Variants in MPRIP observed in about 807,000 individuals in gnomAD.
MPRIP encodes the protein myosin phosphatase Rho interacting protein, also known as myosin phosphatase Rho-interacting protein.
In MPRIP, 59 loss-of-function variants were observed where a neutral mutation model predicts 234.9. The observed-to-expected ratio is 0.25, with a 90% CI of 0.20 to 0.31. MPRIP has a LOEUF of 0.31. Among genes scored for constraint, MPRIP ranks in the 10% least tolerant of loss-of-function variants. The pLI is 1.00. For synonymous variants in MPRIP, 1,144 were observed against 1,263.9 expected (o/e 0.91, Z 2.01); for missense variants, 2,436 against 3,071.0 (o/e 0.79, Z 4.89).
rs1276238121 is a variant in MPRIP at position 17,167,610 on chromosome 17, C to T, written c.6019C>T (p.Arg2007Trp). ...GGAGGACAGGTTCCAGCTCAAGGTC[C>T]GGGAGCTGCAGACGATCCACGAGGA... ...TLEDRFQLKV[R>W]ELQTIHEEEL... Residue 2007 changes from arginine to tryptophan, a missense_variant, in exon 16 of 24, where the codon CGG (arginine) becomes TGG (tryptophan). Around this residue, in one of 4 missense-constraint regions of MPRIP, gnomAD observed 1,998 missense variants for 2,520.3 expected, o/e 0.79. Transcript: ENST00000651222. This position sits in a 1 kb window ranked among gnomAD's most constrained non-coding sequence, Gnocchi z 5.9. 2.3e-6 allele frequency: 3 copies of T among 1,304,098 alleles called. No individual in the cohort carries two copies. Among genetic ancestry groups the T allele is most frequent in the African/African-American group, 1.5e-5 (1 of 65,846 alleles). 80.8% of individuals were successfully genotyped at this position (1,304,098 alleles called of 1,614,324 possible). A position where few individuals can be genotyped will look rare whatever the true frequency, so the allele number is the denominator to read the frequency against.
chr17:17,174,418 T>A (rs2046210930), intron 19 of MPRIP, among the ~76,000 whole-genome samples: 1 of 152,278 alleles, frequency 6.6e-6, no homozygotes, highest in Non-Finnish European at 1.5e-5. Flanking sequence ...GCTCACTGTT[T>A]CTGGGCAGGG....
Position 17,165,568 on chromosome 17 carries a change from C to G in MPRIP, c.3977C>G (p.Thr1326Arg), listed in dbSNP as rs1167183236. Residue 1326 changes from threonine (T) to arginine (R), a missense_variant, in exon 16 of 24, where the codon ACA (threonine) becomes AGA (arginine). Thr to Arg is a moderately conservative substitution (Grantham distance 71). Transcript: ENST00000651222. Reference protein sequence around the residue: ...GVKRQRIRFSTIQCQRYIHPE... With the variant: ...GVKRQRIRFSRIQCQRYIHPE... ...AAAAGGCAAAGAATCCGGTTCTCCACAATCCAGTGCCAAAGATACATTCAC... is the reference window on the plus strand; with the variant it reads ...AAAAGGCAAAGAATCCGGTTCTCCAGAATCCAGTGCCAAAGATACATTCAC... 7.7e-7 allele frequency: 1 copy of G among 1,304,712 alleles called. No homozygotes were observed. The highest frequency in any genetic ancestry group is 1.0e-6 in the Non-Finnish European group (1 of 989,026). The allele number at this position is 1,304,712 out of a possible 1,614,324, so 80.8% of individuals were successfully genotyped here. A position where few individuals can be genotyped will look rare whatever the true frequency, so the allele number is the denominator to read the frequency against.
intron 3 of MPRIP, among the ~76,000 whole-genome samples, chr17:17,115,742 G>A (rs1448124650): frequency 2.0e-5 from 3 of 152,108 alleles, no homozygotes; most frequent in Admixed American, 1.3e-4. Flanking sequence ...TGATGTAAAT[G>A]GAGTCATGCA....
At chr17:17,062,633 C>T (rs1242904351) in intron 1 of MPRIP, among the ~76,000 whole-genome samples, 2 of 152,234 alleles carry the variant, frequency 1.3e-5, no homozygotes, top group South Asian at 2.1e-4. Context: ...TGAAGGCCTG[C>T]GCAGGACAGG....
At position 17,062,483 on chromosome 17, in the gene MPRIP, G is replaced by A. The variant is rs865971338; in HGVS notation, c.124-13227G>A. 2.6e-5 allele frequency among the ~76,000 whole-genome samples: 4 copies of A among 152,298 alleles called. No homozygotes were observed. In the South Asian group the frequency reaches 6.2e-4, roughly 24 times the overall value. ...ATGTGTTATAAACAGAACTGACCAC[G>A]AGCCCCTTGGGAGATGTGTGTGCTT... On this transcript the variant is annotated intron_variant, in intron 1 of 23. Coordinates refer to ENST00000651222, the MANE Select transcript of MPRIP (RefSeq NM_001364716.4).
intron 1 of MPRIP, among the ~76,000 whole-genome samples, chr17:17,045,417 G>A (rs2088315662): frequency 6.6e-6 from 1 of 152,162 alleles, no homozygotes; most frequent in African/African-American, 2.4e-5. Flanking sequence ...AAGGGACTTG[G>A]AGATCAGCTA....
chr17:17,047,433 T>C (rs983486223), intron 1 of MPRIP, among the ~76,000 whole-genome samples: 2 of 152,258 alleles, frequency 1.3e-5, no homozygotes, highest in Non-Finnish European at 2.9e-5. Flanking sequence ...GTTTAAGGCC[T>C]ACTTTCCAAG....
At chr17:17,097,024 C>A in intron 3 of MPRIP, 1 of 327,562 alleles carries the variant, frequency 3.1e-6, no homozygotes, top group Non-Finnish European at 6.1e-6. Flanking sequence ...TTGCAACTCC[C>A]TGGGGAAGAA....
chr17:17,094,256 A>G (rs2089787893), intron 3 of MPRIP, among the ~76,000 whole-genome samples: 1 of 152,198 alleles, frequency 6.6e-6, no homozygotes, highest in Admixed American at 6.6e-5. Context: ...ACTCTTGACC[A>G]GGAGCTGGAC....
Position 17,167,866 on chromosome 17 carries a change from A to G in MPRIP, c.6275A>G (p.Asp2092Gly), listed in dbSNP as rs534404564. 7.7e-7 allele frequency: 1 copy of G among 1,304,144 alleles called. No individual in the cohort carries two copies. Among genetic ancestry groups the G allele is most frequent in the African/African-American group, 1.5e-5 (1 of 66,000 alleles). The allele number at this position is 1,304,144 out of a possible 1,614,324, so 80.8% of individuals were successfully genotyped here. A position where few individuals can be genotyped will look rare whatever the true frequency, so the allele number is the denominator to read the frequency against. Residue 2092 changes from aspartate (D) to glycine (G), a missense_variant, in exon 16 of 24, where the codon GAC (aspartate) becomes GGC (glycine). Around this residue, in one of 4 missense-constraint regions of MPRIP, gnomAD observed 1,998 missense variants for 2,520.3 expected, o/e 0.79. Transcript: ENST00000651222. This position sits in a 1 kb window ranked among gnomAD's most constrained non-coding sequence, Gnocchi z 5.9. Reference sequence around the variant, plus strand: ...CTGGGACACAAGGACCTGGAGGGCGACGCGGCCACACTGCGTGAGAAGTAC... The same window carrying G: ...CTGGGACACAAGGACCTGGAGGGCGGCGCGGCCACACTGCGTGAGAAGTAC... Reference protein sequence around the residue: ...EELGHKDLEGDAATLREKYQR... With the variant: ...EELGHKDLEGGAATLREKYQR...
intron 3 of MPRIP, among the ~76,000 whole-genome samples, chr17:17,093,968 G>T (rs908783371): frequency 6.6e-6 from 1 of 152,216 alleles, no homozygotes. Flanking sequence ...CCGTCCTCAC[G>T]TTCCAGACTG....
intron 21 of MPRIP, 25 bp downstream of exon 21, chr17:17,176,537 G>A: frequency 6.3e-7 from 1 of 1,588,394 alleles, no homozygotes; most frequent in Non-Finnish European, 8.6e-7. Context: ...CCACAGGAGG[G>A]CGGGTACGGG....
chr17:17,095,717 G>A (rs1312381766), intron 3 of MPRIP, among the ~76,000 whole-genome samples: 1 of 152,114 alleles, frequency 6.6e-6, no homozygotes, highest in Non-Finnish European at 1.5e-5. Flanking sequence ...TCTGGCCAGA[G>A]CCAAGCCCTG....
rs544085101 is a variant in MPRIP, at chr17:17,042,721, C to G, written c.-128C>G. 1 of 936,912 alleles carries G rather than the reference C, an allele frequency of 1.1e-6. No individual in the cohort carries two copies. The highest frequency in any genetic ancestry group is 1.2e-4 in the East Asian group (1 of 8,020). The allele number at this position is 936,912 out of a possible 1,614,324, so 58.0% of individuals were successfully genotyped here. ...AGCGAACCGCCCGCCGGGAAGGAGG[C>G]CGGGCCGGGCCTGCGGCGGGGCCGG... is the stretch of plus-strand genomic sequence containing the variant. On this transcript the variant is annotated 5_prime_UTR_variant, in exon 1 of 24. Transcript: ENST00000651222.
intron 12 of MPRIP, among the ~76,000 whole-genome samples, chr17:17,152,339 G>A (rs997570367): frequency 6.6e-6 from 1 of 152,254 alleles, no homozygotes; most frequent in Admixed American, 6.5e-5. Context: ...CTTTCTCCAG[G>A]CAGGGCACAC....
At chr17:17,125,230 A>T (rs2090468516) in intron 3 of MPRIP, among the ~76,000 whole-genome samples, 1 of 152,170 alleles carries the variant, frequency 6.6e-6, no homozygotes, top group Non-Finnish European at 1.5e-5. Flanking sequence ...GTGTCCCCCC[A>T]GGGTCAGTGT....
intron 2 of MPRIP, chr17:17,077,129 A>T (rs2089350301): frequency 6.6e-6 from 1 of 151,770 alleles, no homozygotes; most frequent in African/African-American, 2.4e-5. Flanking sequence ...TTTTGTAGAG[A>T]CGGGGTTTCA....
At chr17:17,118,533 C>T (rs1239006251) in intron 3 of MPRIP, among the ~76,000 whole-genome samples, 1 of 152,216 alleles carries the variant, frequency 6.6e-6, no homozygotes, top group African/African-American at 2.4e-5. Flanking sequence ...CTGTTCCATG[C>T]AGCTTCAGGA....
rs542430701 is a variant in MPRIP at position 17,125,903 on chromosome 17, C to T, written c.268-799C>T. On this transcript the variant is annotated intron_variant, in intron 3 of 23. Coordinates refer to ENST00000651222, the MANE Select transcript of MPRIP (RefSeq NM_001364716.4). ...GTGGAGTGTGTTAAGGACAGGGGCA[C>T]CCCTGGTGTGGTGGTAACCATGGCA... Among the ~76,000 whole-genome samples the T allele has an allele frequency of 2.0e-5, 3 of 152,284 alleles. No individual in the cohort carries two copies. The South Asian group carries it at 6.2e-4, about 32-fold the overall frequency.
Sources: gnomAD v4.1 joint callset for allele counts (sites outside exome capture counted in the v4.1 genomes callset) on GRCh38, gnomAD v4.1.1 for gene constraint, gnomAD v4.1.1 regional missense constraint, Gnocchi (gnomAD v3.1) non-coding constraint, MANE v1.5 for transcripts, NCBI Gene and HGNC (gene_info 2026-07-23, HGNC 2026-07-21) for gene names.